Variants in RICTOR observed in about 807,000 individuals in gnomAD.
The protein encoded by RICTOR is rapamycin-insensitive companion of mTOR.
RICTOR carries 49 observed loss-of-function variants against 214.9 expected under a neutral mutation model. The observed-to-expected ratio is 0.23, with a 90% CI of 0.18 to 0.29. RICTOR has a LOEUF of 0.29. RICTOR is among the 10% of genes least tolerant of loss of function. The probability of loss-of-function intolerance (pLI) is 1.00; values close to 1 mark genes in which losing one functional copy is unlikely to be tolerated. For missense variants in RICTOR, 1,625 were observed against 2,047.0 expected (o/e 0.79, Z 3.98); for synonymous variants, 717 against 711.3 (o/e 1.01, Z -0.13).
At chr5:38,984,340 A>T (rs1751978750) in intron 7 of RICTOR, among the ~76,000 whole-genome samples, 1 of 152,184 alleles carries the variant, frequency 6.6e-6, no homozygotes, top group Non-Finnish European at 1.5e-5. Flanking sequence ...TACATAATCT[A>T]TCTTGTTCAA....
chr5:38,988,964 AT>A (rs747300358), intron 7 of RICTOR, among the ~76,000 whole-genome samples: 2 of 152,196 alleles, frequency 1.3e-5, no homozygotes, highest in Non-Finnish European at 2.9e-5. Flanking sequence ...ATTCAAAGCT[AT>A]CCCCGTCAAG....
intron 31 of RICTOR, 140 bp downstream of exon 31, chr5:38,949,572 G>T: frequency 9.6e-7 from 1 of 1,040,180 alleles, no homozygotes; most frequent in South Asian, 1.6e-5. Context: ...GGGTAACAAG[G>T]AGCTTATAGC....
intron 2 of RICTOR, among the ~76,000 whole-genome samples, chr5:39,053,358 A>C (rs1222777136): frequency 6.6e-6 from 1 of 152,174 alleles, no homozygotes; most frequent in African/African-American, 2.4e-5. Flanking sequence ...GCTTCCAGGA[A>C]TACTACTCTG....
At chr5:39,054,077 G>A (rs1033452042) in intron 2 of RICTOR, among the ~76,000 whole-genome samples, 14 of 151,948 alleles carry the variant, frequency 9.2e-5, no homozygotes, top group African/African-American at 1.9e-4. Flanking sequence ...GTGAGACTCC[G>A]TCTCAAAAAA....
intron 2 of RICTOR, among the ~76,000 whole-genome samples, chr5:39,036,550 G>C (rs1756712784): frequency 6.6e-6 from 1 of 152,142 alleles, no homozygotes; most frequent in Non-Finnish European, 1.5e-5. Flanking sequence ...AGACCCATCA[G>C]TGTGCTGTAT....
intron 2 of RICTOR, among the ~76,000 whole-genome samples, chr5:39,055,783 A>T (rs186221052): frequency 1.3e-5 from 2 of 152,368 alleles, no homozygotes; most frequent in Admixed American, 1.3e-4. Flanking sequence ...AGAAGAAAAC[A>T]GATTGGAAAA....
At chr5:39,001,101 T>C (rs1466672639) in intron 5 of RICTOR, among the ~76,000 whole-genome samples, 1 of 152,070 alleles carries the variant, frequency 6.6e-6, no homozygotes, top group East Asian at 1.9e-4. Context: ...GACTATCTTA[T>C]TCTAAAACTT....
At position 38,950,204 on chromosome 5, in the gene RICTOR, A is replaced by G; in HGVS notation, c.3644T>C (p.Ile1215Thr). 1 of 1,612,864 alleles carries G rather than the reference A, an allele frequency of 6.2e-7. No homozygotes were observed. The highest frequency in any genetic ancestry group is 1.1e-5 in the South Asian group (1 of 91,042). ...GTCTGTATTGAAACTTTGGCTACGT[A>G]TCTTCATATGTGAGCTCGTTGAACT... ...VESSTSSHMK[I>T]RSQSFNTDTT... The change falls in exon 31 of 38, where the codon ATA (isoleucine) becomes ACA (threonine). Residue 1215 changes from isoleucine to threonine, a missense_variant. Coordinates refer to ENST00000357387, the MANE Select transcript of RICTOR (RefSeq NM_152756.5).
Position 38,964,828 on chromosome 5 carries a change from A to G in RICTOR, c.1364T>C (p.Met455Thr), listed in dbSNP as rs61734282. ...HLHCLPTLMN[M>T]AASFDIPKEK... ...CTTGGGGATATCAAAGGATGCAGCCATATTCATTAGGGTTGGCAAGCAGTG... is the reference window on the plus strand; with the variant it reads ...CTTGGGGATATCAAAGGATGCAGCCGTATTCATTAGGGTTGGCAAGCAGTG... Residue 455 changes from methionine (M) to threonine (T), a missense_variant, in exon 16 of 38, where the codon ATG (methionine) becomes ACG (threonine). Met to Thr is a moderately conservative substitution (Grantham distance 81). Coordinates refer to ENST00000357387, the MANE Select transcript of RICTOR (RefSeq NM_152756.5). 5.5e-5 allele frequency: 88 copies of G among 1,606,906 alleles called. No individual in the cohort carries two copies. Among genetic ancestry groups the G allele is most frequent in the Middle Eastern group, 1.6e-4 (1 of 6,068 alleles).
In RICTOR at chr5:38,942,201, C is replaced by A; in HGVS notation, c.*103G>T. 1.5e-6 allele frequency: 1 copy of A among 645,320 alleles called. No individual in the cohort carries two copies. Among genetic ancestry groups the A allele is most frequent in the South Asian group, 2.7e-5 (1 of 37,088 alleles). The allele number at this position is 645,320 out of a possible 1,614,324, so 40.0% of individuals were successfully genotyped here. ...ACTGCGGAACAGTGTACAGAAGATA[C>A]TCCTGTCTTTGCTGCCTAGTCAGTC... On this transcript the variant is annotated 3_prime_UTR_variant, in exon 38 of 38. Coordinates refer to ENST00000357387, the MANE Select transcript of RICTOR (RefSeq NM_152756.5).
At chr5:39,008,511 T>C (rs1754243451) in intron 3 of RICTOR, among the ~76,000 whole-genome samples, 1 of 152,074 alleles carries the variant, frequency 6.6e-6, no homozygotes, top group Non-Finnish European at 1.5e-5. Flanking sequence ...ATGAAAAATA[T>C]TACTATAATT....
chr5:39,011,815 A>G (rs1018643647), intron 3 of RICTOR, among the ~76,000 whole-genome samples: 14 of 151,996 alleles, frequency 9.2e-5, no homozygotes, highest in Non-Finnish European at 1.2e-4. Flanking sequence ...CTGTACCCTC[A>G]TTGTATCTAG....
Position 39,066,455 on chromosome 5 carries a change from A to G in RICTOR, c.97+7656T>C, listed in dbSNP as rs533704004. ...AAATGCCTTGAAGGCCTTTTCTCCA[A>G]CTTCACGGATATCAGCACTTTGGCA... On this transcript the variant is annotated intron_variant, in intron 2 of 37. Coordinates refer to ENST00000357387, the MANE Select transcript of RICTOR (RefSeq NM_152756.5). Among the ~76,000 whole-genome samples the G allele has an allele frequency of 4.6e-5, 7 of 152,266 alleles. No homozygotes were observed. The South Asian group carries it at 1.5e-3, about 32-fold the overall frequency.
intron 8 of RICTOR, chr5:38,981,123 A>G (rs918651007): frequency 2.0e-5 from 3 of 152,234 alleles, no homozygotes; most frequent in African/African-American, 7.2e-5. Flanking sequence ...TGATAAAAAC[A>G]GAACACTTAA....
At chr5:39,008,184 T>TA (rs956961968) in intron 3 of RICTOR, among the ~76,000 whole-genome samples, 5 of 150,870 alleles carry the variant, frequency 3.3e-5, no homozygotes, top group Middle Eastern at 3.4e-3. Context: ...AAACACACTT[T>TA]AAAAAAAAAG....
intron 34 of RICTOR, 42 bp from the exon 35 acceptor site, chr5:38,945,110 G>C (rs1352996060): frequency 7.3e-7 from 1 of 1,371,570 alleles, no homozygotes; most frequent in Middle Eastern, 1.8e-4. Flanking sequence ...CACCATAACG[G>C]CTTAATTCCT....
At position 38,978,703 on chromosome 5, in the gene RICTOR, C is replaced by A. The variant is rs1172099885; in HGVS notation, c.754-53G>T. The stretch of plus-strand genomic sequence containing the variant: ...AGTCTTTATTTTAAAATGCATCCTT[C>A]CTGCATTTTATGGAATGTAACATTC... On this transcript the variant is annotated intron_variant, in intron 8 of 37. Transcript: ENST00000357387. The A allele has an allele frequency of 3.5e-6, 3 of 859,938 alleles. No homozygotes were observed. The African/African-American group carries it at 5.2e-5, about 15-fold the overall frequency. 53.3% of individuals were successfully genotyped at this position (859,938 alleles called of 1,614,324 possible). A position where few individuals can be genotyped will look rare whatever the true frequency, so the allele number is the denominator to read the frequency against.
intron 20 of RICTOR, 31 bp from the exon 21 acceptor site, chr5:38,960,009 A>G: frequency 7.2e-7 from 1 of 1,392,866 alleles, no homozygotes; most frequent in Non-Finnish European, 1.0e-6. Context: ...ATATTGTGAG[A>G]AAAGCATTCA....
chr5:39,046,495 A>T (rs556993133), intron 2 of RICTOR, among the ~76,000 whole-genome samples: 1 of 143,738 alleles, frequency 7.0e-6, no homozygotes. Context: ...TTACCTCATC[A>T]TCTCCTAAAC....
Sources: allele counts gnomAD v4.1 joint callset (sites outside exome capture counted in the v4.1 genomes callset), GRCh38; gene constraint gnomAD v4.1.1; transcripts MANE v1.5; gene names NCBI Gene and HGNC (gene_info 2026-07-23, HGNC 2026-07-21).